SNX24: variants seen among roughly 807,000 people sequenced by gnomAD.
SNX24 encodes the protein sorting nexin-24.
Under a neutral mutation model 28.7 loss-of-function variants are expected in SNX24, and 22 were observed. The ratio of observed to expected loss-of-function variants is 0.77; its 90% CI spans 0.55 to 1.10. The LOEUF is 1.10. Ranked by LOEUF, SNX24 falls within the 50% of genes least tolerant of loss-of-function variation. The pLI, the probability that SNX24 is intolerant of heterozygous loss-of-function variation, is 0.00. For synonymous variants in SNX24, 69 were observed against 71.5 expected (o/e 0.96, Z 0.18); for missense variants, 221 against 201.1 (o/e 1.10, Z -0.60).
At chr5:122,985,403 G>C (rs1038448488) in intron 3 of SNX24, among the ~76,000 whole-genome samples, 1 of 152,198 alleles carries the variant, frequency 6.6e-6, no homozygotes, top group African/African-American at 2.4e-5. Flanking sequence ...AAGACACAGA[G>C]ATTGTCCACT....
chr5:122,970,096 C>CT (rs1027661240), intron 3 of SNX24, among the ~76,000 whole-genome samples: 1 of 151,274 alleles, frequency 6.6e-6, no homozygotes, highest in Non-Finnish European at 1.5e-5. Context: ...TTGTTTACTG[C>CT]TTTTTTCCTT....
chr5:122,965,493 T>C, intron 3 of SNX24: 1 of 455,150 alleles, frequency 2.2e-6, no homozygotes, highest in Non-Finnish European at 4.4e-6. Context: ...TTGATTTGGC[T>C]TATTTGGAGA....
intron 3 of SNX24, among the ~76,000 whole-genome samples, chr5:122,966,388 C>T (rs997740235): frequency 6.6e-6 from 1 of 152,060 alleles, no homozygotes; most frequent in Non-Finnish European, 1.5e-5. Context: ...GTGAAAGATT[C>T]GATAGTAAAT....
At chr5:122,914,101 A>G (rs920979042) in intron 1 of SNX24, among the ~76,000 whole-genome samples, 2 of 152,110 alleles carry the variant, frequency 1.3e-5, no homozygotes, top group Admixed American at 1.3e-4. Context: ...GAGACCATGG[A>G]AAGAGAGGAA....
chr5:122,906,999 A>C (rs1405374535), intron 1 of SNX24, among the ~76,000 whole-genome samples: 2 of 152,162 alleles, frequency 1.3e-5, no homozygotes, highest in East Asian at 3.9e-4. Flanking sequence ...GAGATGATTT[A>C]AGTGGTGCCT....
intron 6 of SNX24, 34 bp downstream of exon 6, chr5:123,002,038 A>T (rs780979915): frequency 6.5e-7 from 1 of 1,545,888 alleles, no homozygotes; most frequent in East Asian, 2.2e-5. Flanking sequence ...ACAGCTCTTT[A>T]CTGATCTGAC....
intron 5 of SNX24, chr5:123,028,889 G>A: frequency 6.5e-7 from 1 of 1,546,476 alleles, no homozygotes; most frequent in Non-Finnish European, 8.9e-7. Flanking sequence ...TACTTCAGTT[G>A]AATAACAAGT....
intron 2 of SNX24, among the ~76,000 whole-genome samples, chr5:122,945,107 G>A (rs1299287231): frequency 6.6e-6 from 1 of 152,134 alleles, no homozygotes; most frequent in Non-Finnish European, 1.5e-5. Context: ...TGCTCTAGAG[G>A]ATCTAGGGCA....
At chr5:122,900,123 G>T (rs183585784) in intron 1 of SNX24, among the ~76,000 whole-genome samples, 1 of 151,566 alleles carries the variant, frequency 6.6e-6, no homozygotes, top group African/African-American at 2.4e-5. Flanking sequence ...AGGCTCAAGC[G>T]ATACTCCTGC....
At chr5:122,929,275 C>T (rs1337711532) in intron 1 of SNX24, among the ~76,000 whole-genome samples, 1 of 152,166 alleles carries the variant, frequency 6.6e-6, no homozygotes, top group Non-Finnish European at 1.5e-5. Flanking sequence ...GTGCTTGTCC[C>T]TCCTCTTTGC....
At chr5:122,936,337 A>G (rs1759176766) in intron 1 of SNX24, among the ~76,000 whole-genome samples, 1 of 152,220 alleles carries the variant, frequency 6.6e-6, no homozygotes, top group South Asian at 2.1e-4. Context: ...TGAAATGCCC[A>G]TAATGGAATA....
intron 1 of SNX24, chr5:122,890,879 C>A: frequency 2.5e-6 from 2 of 815,816 alleles, no homozygotes. Context: ...AACTGTAATC[C>A]TTTTTTGTAC....
chr5:122,994,549 A>T (rs1453816685), intron 3 of SNX24, among the ~76,000 whole-genome samples: 1 of 152,224 alleles, frequency 6.6e-6, no homozygotes, highest in East Asian at 1.9e-4. Flanking sequence ...TCCTTTGGGA[A>T]CATGATTTTA....
intron 1 of SNX24, among the ~76,000 whole-genome samples, chr5:122,921,969 G>A: frequency 6.6e-6 from 1 of 152,090 alleles, no homozygotes; most frequent in Non-Finnish European, 1.5e-5. Context: ...AGAAGCTCTT[G>A]GAATGTCCTT....
intron 3 of SNX24, among the ~76,000 whole-genome samples, chr5:122,947,928 A>T (rs1420474524): frequency 6.6e-6 from 1 of 152,212 alleles, no homozygotes; most frequent in Non-Finnish European, 1.5e-5. Context: ...TACTTCGGAT[A>T]TAAATATGTG....
chr5:123,022,469 T>TA (rs1188145937), intron 5 of SNX24: 2 of 145,084 alleles, frequency 1.4e-5, no homozygotes, highest in African/African-American at 4.9e-5. Flanking sequence ...ACTTTCCCAT[T>TA]AGTTTTTTTT....
At chr5:122,958,394 C>T (rs1760311949) in intron 3 of SNX24, among the ~76,000 whole-genome samples, 1 of 152,056 alleles carries the variant, frequency 6.6e-6, no homozygotes, top group East Asian at 1.9e-4. Flanking sequence ...GCTGGGATTA[C>T]AGGCACCTGC....
chr5:122,999,950 T>C lies in SNX24; in HGVS notation c.288T>C (p.Phe96=), dbSNP rs376540165. The C allele has an allele frequency of 8.1e-6, 13 of 1,613,686 alleles. No homozygotes were observed. The highest frequency in any genetic ancestry group is 1.1e-5 in the South Asian group (1 of 91,068). The change falls in exon 4 of 7, where the codon TTT becomes TTC. Residue 96 remains phenylalanine (F), a synonymous_variant. Transcript: ENST00000261369. Reference sequence around the variant, plus strand: ...AAAATGAAGAACTTCCCAAACTGTTTCTTGATTTCCTAAATGTGCGACACT... The same window carrying C: ...AAAATGAAGAACTTCCCAAACTGTTCCTTGATTTCCTAAATGTGCGACACT... ...ILENEELPKL[F]LDFLNVRHLP... is the part of the protein sequence containing the mutation.
chr5:122,891,180 T>G, intron 1 of SNX24: 2 of 1,379,058 alleles, frequency 1.5e-6, no homozygotes, highest in Non-Finnish European at 1.9e-6. Context: ...TTGTTTTTTT[T>G]CCTAAGTAGT....
Sources: gnomAD v4.1 joint callset for allele counts (sites outside exome capture counted in the v4.1 genomes callset) on GRCh38, gnomAD v4.1.1 for gene constraint, MANE v1.5 for transcripts, NCBI Gene and HGNC (gene_info 2026-07-23, HGNC 2026-07-21) for gene names.